RANBP17: variants seen among roughly 807,000 people sequenced by gnomAD.
RANBP17 encodes the protein RAN binding protein 17.
Under a neutral mutation model 141.2 loss-of-function variants are expected in RANBP17, and 158 were observed. That is an observed-to-expected ratio of 1.12 (90% CI 0.98 to 1.28). RANBP17 has a LOEUF of 1.28. RANBP17 is among the 50% of genes most tolerant of loss of function. The probability of loss-of-function intolerance (pLI) is 0.00; values close to 1 mark genes in which losing one functional copy is unlikely to be tolerated. For missense variants in RANBP17, 1,438 were observed against 1,290.7 expected (o/e 1.11, Z -1.75); for synonymous variants, 430 against 450.0 (o/e 0.96, Z 0.56).
Position 171,009,163 on chromosome 5 carries a change from T to G in RANBP17, c.1710+40786T>G, listed in dbSNP as rs143580291. Among the ~76,000 whole-genome samples the G allele has an allele frequency of 2.5e-3, 385 of 152,348 alleles. 4 individuals carry two copies. Among genetic ancestry groups the G allele is most frequent in the African/African-American group, 7.8e-3 (323 of 41,588 alleles). On this transcript the variant is annotated intron_variant, in intron 14 of 27. Transcript: ENST00000523189. ...AGTGGAAATCATTTTGGCTTTGAAA[T>G]CTGAACTTGATTTCAGTGCCAATCT...
At chr5:170,927,133 A>G (rs1561898646) in intron 12 of RANBP17, among the ~76,000 whole-genome samples, 1 of 152,086 alleles carries the variant, frequency 6.6e-6, no homozygotes, top group Non-Finnish European at 1.5e-5. Flanking sequence ...CTCCTAGTGA[A>G]ATTGCCGTTG....
chr5:170,894,599 A>G (rs1162768682), intron 4 of RANBP17, among the ~76,000 whole-genome samples: 1 of 151,194 alleles, frequency 6.6e-6, no homozygotes, highest in Non-Finnish European at 1.5e-5. Flanking sequence ...TTTGAGTATT[A>G]GCAGCTTTTG....
intron 24 of RANBP17, among the ~76,000 whole-genome samples, chr5:171,260,735 C>A (rs1250534159): frequency 6.6e-6 from 1 of 151,694 alleles, no homozygotes; most frequent in African/African-American, 2.4e-5. Flanking sequence ...ATTTAAAAAA[C>A]AAAGTGGGGT....
At chr5:171,254,815 T>TA (rs1243201086) in intron 24 of RANBP17, among the ~76,000 whole-genome samples, 18 of 152,304 alleles carry the variant, frequency 1.2e-4, no homozygotes, top group South Asian at 1.0e-3. Flanking sequence ...AGTAAATTTT[T>TA]AAAAAAATCT....
At chr5:170,864,058 T>A (rs537534231) in intron 1 of RANBP17, among the ~76,000 whole-genome samples, 1 of 152,354 alleles carries the variant, frequency 6.6e-6, no homozygotes, top group South Asian at 2.1e-4. Context: ...TGAGTTTTCA[T>A]ATCCTCATTA....
At chr5:171,136,576 G>A (rs1757302539) in intron 14 of RANBP17, among the ~76,000 whole-genome samples, 1 of 152,070 alleles carries the variant, frequency 6.6e-6, no homozygotes, top group African/African-American at 2.4e-5. Context: ...AATGAATCTT[G>A]TGTCTTTTCA....
intron 9 of RANBP17, among the ~76,000 whole-genome samples, chr5:170,917,117 C>G (rs1455925690): frequency 6.6e-6 from 1 of 152,122 alleles, no homozygotes; most frequent in African/African-American, 2.4e-5. Flanking sequence ...GCAAATATGA[C>G]TAGAGATTAT....
At position 171,060,624 on chromosome 5, in the gene RANBP17, CT is replaced by C. The variant is rs879462468; in HGVS notation, c.1710+92253del. Among the ~76,000 whole-genome samples, 85 of 152,054 alleles carry C rather than the reference CT, an allele frequency of 5.6e-4. 1 individual carries two copies. The highest frequency in any genetic ancestry group is 8.5e-4 in the Non-Finnish European group (58 of 67,978). ...ATCAAGGATATTGGTCTAAAATTCT[CT>C]TTTTTGGTTGTGTCTCTGCCAGGCT... is the stretch of plus-strand genomic sequence containing the variant. On this transcript the variant is annotated intron_variant, in intron 14 of 27. Transcript: ENST00000523189.
At chr5:170,958,632 A>G (rs761742446) in intron 13 of RANBP17, among the ~76,000 whole-genome samples, 1 of 152,192 alleles carries the variant, frequency 6.6e-6, no homozygotes, top group Non-Finnish European at 1.5e-5. Flanking sequence ...GTGACTTTCT[A>G]TAAGTTATAT....
chr5:170,911,304 C>A, intron 7 of RANBP17, 170 bp downstream of exon 7: 1 of 612,820 alleles, frequency 1.6e-6, no homozygotes, highest in Non-Finnish European at 2.8e-6. Flanking sequence ...TTCTGTAATT[C>A]ATATTATAGT....
At chr5:171,130,370 TATA>T (rs1247111393) in intron 14 of RANBP17, among the ~76,000 whole-genome samples, 1 of 151,650 alleles carries the variant, frequency 6.6e-6, no homozygotes, top group Non-Finnish European at 1.5e-5. Context: ...TCTCCCTGAA[TATA>T]ATGTTTTCTT....
At chr5:171,035,239 G>T (rs1057149021) in intron 14 of RANBP17, among the ~76,000 whole-genome samples, 1 of 152,114 alleles carries the variant, frequency 6.6e-6, no homozygotes, top group Admixed American at 6.6e-5. Context: ...GTGAATGTAA[G>T]TGTTCTGAGA....
At chr5:171,246,249 A>G (rs756651642) in intron 24 of RANBP17, among the ~76,000 whole-genome samples, 2 of 151,922 alleles carry the variant, frequency 1.3e-5, no homozygotes, top group African/African-American at 2.4e-5. Context: ...GAGCTGTAGA[A>G]CTCTCTTACG....
At chr5:171,179,008 C>CAG (rs1220918706) in intron 16 of RANBP17, among the ~76,000 whole-genome samples, 1 of 152,106 alleles carries the variant, frequency 6.6e-6, no homozygotes, top group Non-Finnish European at 1.5e-5. Context: ...TTTGGCTGTG[C>CAG]AGAAGCTCTT....
intron 4 of RANBP17, among the ~76,000 whole-genome samples, chr5:170,892,999 C>T (rs1466640288): frequency 6.6e-6 from 1 of 152,066 alleles, no homozygotes; most frequent in Non-Finnish European, 1.5e-5. Context: ...TAATAAGCCT[C>T]CAACTTACGA....
intron 13 of RANBP17, among the ~76,000 whole-genome samples, chr5:170,963,712 G>T (rs557609781): frequency 6.6e-6 from 1 of 152,280 alleles, no homozygotes; most frequent in Non-Finnish European, 1.5e-5. Flanking sequence ...GAGCTCAGGC[G>T]ATAATGCTTG....
chr5:171,295,273 G>A (rs1173715754), intron 26 of RANBP17, among the ~76,000 whole-genome samples: 1 of 152,184 alleles, frequency 6.6e-6, no homozygotes, highest in Non-Finnish European at 1.5e-5. Flanking sequence ...AAAAGGCTGT[G>A]CAGGTGTTTG....
At chr5:170,932,183 T>A (rs1248863581) in intron 12 of RANBP17, among the ~76,000 whole-genome samples, 3 of 151,930 alleles carry the variant, frequency 2.0e-5, no homozygotes, top group Non-Finnish European at 4.4e-5. Context: ...TGAATGAGAA[T>A]TCACTCATGA....
intron 14 of RANBP17, among the ~76,000 whole-genome samples, chr5:171,148,552 A>G (rs1758241847): frequency 1.3e-5 from 2 of 152,148 alleles, no homozygotes; most frequent in Non-Finnish European, 1.5e-5. Flanking sequence ...AATAGTGTAT[A>G]GTTTAATCCT....
Sources: gnomAD v4.1 joint callset for allele counts (sites outside exome capture counted in the v4.1 genomes callset) on GRCh38, gnomAD v4.1.1 for gene constraint, MANE v1.5 for transcripts, NCBI Gene and HGNC (gene_info 2026-07-23, HGNC 2026-07-21) for gene names.